Variants in PACSIN2 observed in about 807,000 individuals in gnomAD.
The protein encoded by PACSIN2 is protein kinase C and casein kinase substrate in neurons 2, also known as protein kinase C and casein kinase substrate in neurons protein 2.
PACSIN2 carries 25 observed loss-of-function variants against 63.8 expected under a neutral mutation model. The observed-to-expected ratio is 0.39, with a 90% CI of 0.29 to 0.55. PACSIN2 has a LOEUF of 0.55. Among genes scored for constraint, PACSIN2 ranks in the 20% least tolerant of loss-of-function variants. PACSIN2 has a pLI of 0.62. For missense variants in PACSIN2, 518 were observed against 646.9 expected, an observed-to-expected ratio of 0.80 and a Z score of 2.16; for synonymous variants, 255 against 256.2, an observed-to-expected ratio of 1.00 and a Z score of 0.05.
chr22:42,877,973 G>A (rs1928773662), intron 8 of PACSIN2, among the ~76,000 whole-genome samples: 1 of 152,244 alleles, frequency 6.6e-6, no homozygotes, highest in South Asian at 2.1e-4. Flanking sequence ...TGAGTGGCCA[G>A]TAACTGCCTC....
chr22:43,002,319 TG>T (rs1555949190), intron 1 of PACSIN2: 1 of 152,164 alleles, frequency 6.6e-6, no homozygotes, highest in Non-Finnish European at 1.5e-5. Flanking sequence ...CCGCGATGGC[TG>T]AGCTGATGCA....
rs371656133 is a variant in PACSIN2, at chr22:42,986,754, G to A, written c.-78+28267C>T. On this transcript the variant is annotated intron_variant, in intron 1 of 10. Coordinates refer to ENST00000263246, the MANE Select transcript of PACSIN2 (RefSeq NM_001184970.3). ...ACATTCCAGGAAGTGGGAACCCCACGTGCAAAGACCCTAAGAAGGGGCAGC... is the reference window on the plus strand; with the variant it reads ...ACATTCCAGGAAGTGGGAACCCCACATGCAAAGACCCTAAGAAGGGGCAGC... 1.1e-4 allele frequency among the ~76,000 whole-genome samples: 16 copies of A among 152,116 alleles called. No homozygotes were observed. The East Asian group carries it at 2.5e-3, about 24-fold the overall frequency.
intron 8 of PACSIN2, among the ~76,000 whole-genome samples, chr22:42,877,945 A>G (rs926576640): frequency 6.6e-6 from 1 of 152,224 alleles, no homozygotes; most frequent in African/African-American, 2.4e-5. Flanking sequence ...CATGCCTCCA[A>G]TGCCACCAGG....
intron 1 of PACSIN2, among the ~76,000 whole-genome samples, chr22:42,994,057 G>A (rs901603540): frequency 6.6e-6 from 1 of 152,172 alleles, no homozygotes; most frequent in Non-Finnish European, 1.5e-5. Context: ...AGCTAAAGCC[G>A]AAATCAAATA....
At chr22:42,913,258 T>C (rs1428939105) in intron 1 of PACSIN2, among the ~76,000 whole-genome samples, 1 of 152,008 alleles carries the variant, frequency 6.6e-6, no homozygotes, top group Non-Finnish European at 1.5e-5. Flanking sequence ...GGCGGGCGGA[T>C]CACCTGAGGT....
intron 1 of PACSIN2, among the ~76,000 whole-genome samples, chr22:42,961,489 T>C (rs1934133847): frequency 6.6e-6 from 1 of 151,184 alleles, no homozygotes; most frequent in Admixed American, 6.6e-5. Context: ...AGAAATTCCT[T>C]AGGCTGGGCC....
chr22:42,877,057 C>T (rs202247098), intron 8 of PACSIN2, 47 bp from the exon 9 acceptor site: 16 of 1,606,212 alleles, frequency 1.0e-5, no homozygotes, highest in Admixed American at 6.7e-5. Flanking sequence ...TGCAGGGGCC[C>T]GTGAGGGTCC....
At chr22:42,978,318 GATT>G (rs1207058932) in intron 1 of PACSIN2, among the ~76,000 whole-genome samples, 1 of 152,188 alleles carries the variant, frequency 6.6e-6, no homozygotes, top group East Asian at 1.9e-4. Flanking sequence ...GTCAACAGTT[GATT>G]ACCACCTAGC....
chr22:42,972,143 C>A lies in PACSIN2; in HGVS notation c.-78+42878G>T, dbSNP rs891625951. Among the ~76,000 whole-genome samples the A allele has an allele frequency of 2.0e-5, 3 of 152,188 alleles. No individual in the cohort carries two copies. The East Asian group carries it at 5.8e-4, about 29-fold the overall frequency. On this transcript the variant is annotated intron_variant, in intron 1 of 10. Coordinates refer to ENST00000263246, the MANE Select transcript of PACSIN2 (RefSeq NM_001184970.3). ...TGGAAAGAAGTAGACATAGGAGACT[C>A]CATTTTGTTCTGTGCTAGGAAAGAT...
At chr22:42,989,827 A>C (rs1015097724) in intron 1 of PACSIN2, among the ~76,000 whole-genome samples, 2 of 149,076 alleles carry the variant, frequency 1.3e-5, no homozygotes, top group Non-Finnish European at 3.0e-5. Flanking sequence ...AAAGAAAAAA[A>C]AAAGAAAAGA....
chr22:42,973,845 TAAAAGAGG>T (rs1921498167), intron 1 of PACSIN2, among the ~76,000 whole-genome samples: 1 of 152,168 alleles, frequency 6.6e-6, no homozygotes, highest in South Asian at 2.1e-4. Flanking sequence ...CAGCATATGC[TAAAAGAGG>T]AAAAGAGAAA....
rs1029463421 is a variant in PACSIN2, at chr22:42,869,887, A to G, written c.*1470T>C. The G allele has an allele frequency of 9.8e-5, 15 of 152,408 alleles. No individual in the cohort carries two copies. The highest frequency in any genetic ancestry group is 3.6e-4 in the African/African-American group (15 of 41,448). 9.4% of individuals were successfully genotyped at this position (152,408 alleles called of 1,614,324 possible). On this transcript the variant is annotated 3_prime_UTR_variant, in exon 11 of 11. Transcript: ENST00000263246. ...GTAAATCCGTAGCACAGAAATGAGG[A>G]TTTCTGCTGGTAAGTTCTCAGGACA...
At chr22:42,917,268 C>G (rs548866889) in intron 1 of PACSIN2, among the ~76,000 whole-genome samples, 3 of 152,168 alleles carry the variant, frequency 2.0e-5, no homozygotes, top group Non-Finnish European at 4.4e-5. Flanking sequence ...CTGATCTTAA[C>G]CACCTCAGTG....
At chr22:42,949,673 CACAT>C (rs1240844993) in intron 1 of PACSIN2, among the ~76,000 whole-genome samples, 2 of 151,640 alleles carry the variant, frequency 1.3e-5, no homozygotes, top group Admixed American at 6.6e-5. Flanking sequence ...ACTACACACA[CACAT>C]ACACTCACAC....
At chr22:42,983,408 T>C (rs1922367849) in intron 1 of PACSIN2, among the ~76,000 whole-genome samples, 1 of 141,300 alleles carries the variant, frequency 7.1e-6, no homozygotes, top group Non-Finnish European at 1.5e-5. Flanking sequence ...GAGGATCACT[T>C]GAACCCAGAA....
chr22:43,007,665 C>T (rs1280070202), intron 1 of PACSIN2, among the ~76,000 whole-genome samples: 1 of 152,202 alleles, frequency 6.6e-6, no homozygotes, highest in African/African-American at 2.4e-5. Context: ...CAGTCAGACC[C>T]GCCCTCCTCT....
chr22:42,984,421 G>C (rs1048977525), intron 1 of PACSIN2, among the ~76,000 whole-genome samples: 2 of 152,066 alleles, frequency 1.3e-5, no homozygotes, highest in Non-Finnish European at 1.5e-5. Flanking sequence ...CTAGGCCCTC[G>C]GCCTCCCTGA....
chr22:42,938,846 C>T (rs947866105), intron 1 of PACSIN2, among the ~76,000 whole-genome samples: 4 of 152,060 alleles, frequency 2.6e-5, no homozygotes, highest in Admixed American at 6.6e-5. Context: ...TGCTGGATCC[C>T]GAGGTGGAGA....
chr22:42,979,250 G>A (rs1049297202), intron 1 of PACSIN2, among the ~76,000 whole-genome samples: 6 of 152,128 alleles, frequency 3.9e-5, no homozygotes, highest in Non-Finnish European at 7.4e-5. Context: ...TTGGCCAGGT[G>A]CGGTGGCTCA....
Sources: gnomAD v4.1 joint callset for allele counts (sites outside exome capture counted in the v4.1 genomes callset) on GRCh38, gnomAD v4.1.1 for gene constraint, MANE v1.5 for transcripts, NCBI Gene and HGNC (gene_info 2026-07-23, HGNC 2026-07-21) for gene names.